YES1: variants seen among roughly 807,000 people sequenced by gnomAD.
YES1 encodes tyrosine-protein kinase Yes.
YES1 carries 39 observed loss-of-function variants against 70.4 expected under a neutral mutation model. The ratio of observed to expected loss-of-function variants is 0.55; its 90% CI spans 0.43 to 0.72. The LOEUF is 0.72. Among genes scored for constraint, YES1 ranks in the 30% least tolerant of loss-of-function variants. YES1 has a pLI of 0.00. For missense variants in YES1, 495 were observed against 644.8 expected (o/e 0.77, Z 2.52); for synonymous variants, 198 against 218.6 (o/e 0.91, Z 0.83).
intron 2 of YES1, among the ~76,000 whole-genome samples, chr18:753,913 A>T (rs2080374784): frequency 6.6e-6 from 1 of 152,190 alleles, no homozygotes; most frequent in African/African-American, 2.4e-5. Context: ...CCTACCATCT[A>T]ATCAGGTACT....
chr18:797,515 A>T (rs1402860805), intron 1 of YES1, among the ~76,000 whole-genome samples: 1 of 152,192 alleles, frequency 6.6e-6, no homozygotes, highest in Non-Finnish European at 1.5e-5. Flanking sequence ...TTAGAAGAAA[A>T]CTAAGCTTAT....
chr18:725,378 G>T (rs994676263), intron 11 of YES1, among the ~76,000 whole-genome samples: 3 of 151,978 alleles, frequency 2.0e-5, no homozygotes, highest in Admixed American at 2.0e-4. Flanking sequence ...AACCAATCAG[G>T]AATGATATTT....
chr18:790,635 T>C (rs1231409379), intron 1 of YES1, among the ~76,000 whole-genome samples: 3 of 152,192 alleles, frequency 2.0e-5, no homozygotes, highest in Non-Finnish European at 2.9e-5. Context: ...AAGAAAGTGA[T>C]AACTTTGTAT....
intron 1 of YES1, among the ~76,000 whole-genome samples, chr18:766,309 T>C (rs1904906498): frequency 6.6e-6 from 1 of 152,134 alleles, no homozygotes; most frequent in Non-Finnish European, 1.5e-5. Context: ...ACAGAAATAT[T>C]CTATTTTCTT....
At chr18:755,602 G>C (rs1322636877) in intron 2 of YES1, among the ~76,000 whole-genome samples, 1 of 152,004 alleles carries the variant, frequency 6.6e-6, no homozygotes, top group Non-Finnish European at 1.5e-5. Flanking sequence ...CAAATGTATA[G>C]TCAGTCTATG....
intron 11 of YES1, among the ~76,000 whole-genome samples, chr18:731,004 T>C (rs2080082293): frequency 6.6e-6 from 1 of 151,840 alleles, no homozygotes; most frequent in South Asian, 2.1e-4. Flanking sequence ...ATTTAAGGAG[T>C]AGAATTGTTT....
chr18:786,496 TACACACACACACACACACACACAC>T (rs56410052), intron 1 of YES1, among the ~76,000 whole-genome samples: 20 of 139,438 alleles, frequency 1.4e-4, no homozygotes, highest in African/African-American at 5.3e-4. Flanking sequence ...AATAAGTCCA[TACACACACACACACACACACACAC>T]ACACACACAC....
intron 1 of YES1, among the ~76,000 whole-genome samples, chr18:757,222 C>CA (rs1215649342): frequency 1.3e-5 from 2 of 152,106 alleles, no homozygotes; most frequent in East Asian, 3.9e-4. Flanking sequence ...GAAAAAGTAT[C>CA]GCTGGGCGCA....
chr18:789,306 G>A (rs1906120308), intron 1 of YES1, among the ~76,000 whole-genome samples: 1 of 152,112 alleles, frequency 6.6e-6, no homozygotes, highest in South Asian at 2.1e-4. Context: ...ACTTTGCGAG[G>A]CATGGTGACT....
At chr18:770,490 G>A (rs1022354133) in intron 1 of YES1, among the ~76,000 whole-genome samples, 5 of 152,088 alleles carry the variant, frequency 3.3e-5, no homozygotes, top group African/African-American at 9.7e-5. Context: ...AAAAGTCAGA[G>A]ACTTCTATGG....
At position 739,791 on chromosome 18, in the gene YES1, T is replaced by C. The variant is rs1405582366; in HGVS notation, c.1081A>G (p.Lys361Glu). ...TTCAAATACTTTCCATCTCCTTCCTTAAGGAAATCTAATAAGCTTCCTGTA... is the reference window on the plus strand; with the variant it reads ...TTCAAATACTTTCCATCTCCTTCCTCAAGGAAATCTAATAAGCTTCCTGTA... Reference protein sequence around the residue: ...MSKGSLLDFLKEGDGKYLKLP... With the variant: ...MSKGSLLDFLEEGDGKYLKLP... Residue 361 changes from lysine (K) to glutamate (E), a missense_variant, in exon 9 of 12, where the codon AAG (lysine) becomes GAG (glutamate). Lys to Glu is a moderately conservative substitution (Grantham distance 56). Around this residue, in one of 2 missense-constraint regions of YES1, gnomAD observed 385 missense variants for 540.9 expected, o/e 0.71. Coordinates refer to ENST00000314574, the MANE Select transcript of YES1 (RefSeq NM_005433.4). The C allele has an allele frequency of 6.2e-7, 1 of 1,611,122 alleles. No homozygotes were observed. The highest frequency in any genetic ancestry group is 1.3e-5 in the African/African-American group (1 of 74,828).
At chr18:791,032 C>G (rs1253236969) in intron 1 of YES1, among the ~76,000 whole-genome samples, 2 of 152,092 alleles carry the variant, frequency 1.3e-5, no homozygotes, top group African/African-American at 4.8e-5. Context: ...GGTGGATCAT[C>G]TGGGGTCAAG....
At chr18:781,281 A>AAAAAT (rs1463260001) in intron 1 of YES1, among the ~76,000 whole-genome samples, 1 of 151,692 alleles carries the variant, frequency 6.6e-6, no homozygotes, top group African/African-American at 2.4e-5. Context: ...AAAAAAAAAA[A>AAAAAT]AAAAATAAGA....
intron 3 of YES1, among the ~76,000 whole-genome samples, chr18:749,231 C>T (rs897390164): frequency 6.6e-6 from 1 of 151,756 alleles, no homozygotes; most frequent in Non-Finnish European, 1.5e-5. Flanking sequence ...CGGTGGCTTA[C>T]GCCTGCAATC....
intron 1 of YES1, among the ~76,000 whole-genome samples, chr18:810,832 C>A (rs1907336492): frequency 2.6e-5 from 4 of 152,124 alleles, no homozygotes; most frequent in South Asian, 2.1e-4. Flanking sequence ...GTAAAACTTT[C>A]TTACTGTACA....
chr18:782,230 T>G (rs1426422482), intron 1 of YES1, among the ~76,000 whole-genome samples: 1 of 152,214 alleles, frequency 6.6e-6, no homozygotes, highest in Non-Finnish European at 1.5e-5. Flanking sequence ...AATGGCCTTT[T>G]CGGCTCTTCA....
chr18:770,412 A>G (rs1319828664), intron 1 of YES1, among the ~76,000 whole-genome samples: 5 of 151,940 alleles, frequency 3.3e-5, no homozygotes, highest in Non-Finnish European at 5.9e-5. Context: ...GTCAGTTCAC[A>G]TCAATCTGGT....
chr18:781,814 C>T (rs550453477), intron 1 of YES1, among the ~76,000 whole-genome samples: 18 of 152,112 alleles, frequency 1.2e-4, no homozygotes, highest in African/African-American at 4.3e-4. Context: ...TAAGAATTAA[C>T]TGATATCATA....
intron 1 of YES1, among the ~76,000 whole-genome samples, chr18:779,401 C>T (rs1409052357): frequency 1.5e-5 from 2 of 133,448 alleles, no homozygotes; most frequent in Non-Finnish European, 3.2e-5. Flanking sequence ...GAGACCCTGT[C>T]TCAAAAAAAA....
Sources: gnomAD v4.1 joint callset for allele counts (sites outside exome capture counted in the v4.1 genomes callset) on GRCh38, gnomAD v4.1.1 for gene constraint, gnomAD v4.1.1 regional missense constraint, MANE v1.5 for transcripts, NCBI Gene and HGNC (gene_info 2026-07-23, HGNC 2026-07-21) for gene names.